Variants in NAALADL2 observed in about 807,000 individuals in gnomAD.
NAALADL2 encodes inactive N-acetylated-alpha-linked acidic dipeptidase-like protein 2.
A neutral mutation model predicts 87.2 loss-of-function variants in NAALADL2; 76 were observed. The ratio of observed to expected loss-of-function variants is 0.87; its 90% confidence interval spans 0.72 to 1.05. The LOEUF is 1.05. NAALADL2 is among the 50% of genes least tolerant of loss of function. The pLI, the probability that NAALADL2 is intolerant of heterozygous loss-of-function variation, is 0.00. For missense variants in NAALADL2, 1,089 were observed against 945.8 expected, an observed-to-expected ratio of 1.15 and a Z score of -1.99; for synonymous variants, 354 against 331.0, an observed-to-expected ratio of 1.07 and a Z score of -0.75.
intron 11 of NAALADL2, among the ~76,000 whole-genome samples, chr3:175,643,830 C>T (rs1290378878): frequency 6.6e-6 from 1 of 152,162 alleles, no homozygotes; most frequent in African/African-American, 2.4e-5. Context: ...CAAGAATCTC[C>T]TGGAATAGTT....
At chr3:174,784,127 T>G (rs1716320691) in intron 3 of NAALADL2, among the ~76,000 whole-genome samples, 1 of 152,226 alleles carries the variant, frequency 6.6e-6, no homozygotes, top group African/African-American at 2.4e-5. Context: ...CTAATCATTT[T>G]CTTGTTCTGC....
At chr3:174,516,703 A>C (rs2108402286) in intron 1 of NAALADL2, among the ~76,000 whole-genome samples, 1 of 152,144 alleles carries the variant, frequency 6.6e-6, no homozygotes, top group East Asian at 1.9e-4. Flanking sequence ...TTTTTATATT[A>C]CTTTTGCTTA....
intron 5 of NAALADL2, among the ~76,000 whole-genome samples, chr3:175,419,397 TA>T (rs898184474): frequency 2.4e-4 from 36 of 151,878 alleles, no homozygotes; most frequent in Non-Finnish European, 4.9e-4. Context: ...AAAAATTATA[TA>T]AAAAATTATT....
intron 1 of NAALADL2, among the ~76,000 whole-genome samples, chr3:175,053,472 T>C (rs1755679158): frequency 6.6e-6 from 1 of 152,184 alleles, no homozygotes; most frequent in Admixed American, 6.5e-5. Context: ...AGCCTCAGCA[T>C]GGCTGCAACC....
At chr3:175,017,735 A>G (rs1449760643) in intron 1 of NAALADL2, among the ~76,000 whole-genome samples, 1 of 152,112 alleles carries the variant, frequency 6.6e-6, no homozygotes, top group African/African-American at 2.4e-5. Context: ...ATATCCAATT[A>G]TCACTAAATA....
chr3:174,844,910 A>G (rs2109440621), intron 3 of NAALADL2, among the ~76,000 whole-genome samples: 1 of 127,362 alleles, frequency 7.9e-6, no homozygotes, highest in Admixed American at 1.0e-4. Flanking sequence ...CAGGGGTATG[A>G]AGCCTCCCTT....
At chr3:175,420,482 G>C (rs1173171883) in intron 5 of NAALADL2, among the ~76,000 whole-genome samples, 1 of 152,004 alleles carries the variant, frequency 6.6e-6, no homozygotes, top group Non-Finnish European at 1.5e-5. Flanking sequence ...TACAGTTTAG[G>C]TCAACATTTA....
At chr3:175,683,138 A>G (rs925327204) in intron 11 of NAALADL2, among the ~76,000 whole-genome samples, 20 of 152,028 alleles carry the variant, frequency 1.3e-4, no homozygotes, top group African/African-American at 4.8e-4. Flanking sequence ...ACCAATGACA[A>G]TGTCTACATA....
chr3:174,879,980 C>A (rs1458771820), intron 1 of NAALADL2, among the ~76,000 whole-genome samples: 4 of 152,050 alleles, frequency 2.6e-5, no homozygotes, highest in Non-Finnish European at 4.4e-5. Context: ...TGCTGTCTTG[C>A]TTTGCCCCTA....
chr3:175,090,435 A>G (rs1719874870), intron 1 of NAALADL2, among the ~76,000 whole-genome samples: 1 of 152,054 alleles, frequency 6.6e-6, no homozygotes, highest in Non-Finnish European at 1.5e-5. Context: ...CCATCCATTT[A>G]GGGTGTGTTA....
At chr3:175,436,246 A>G (rs1483146618) in intron 5 of NAALADL2, among the ~76,000 whole-genome samples, 1 of 143,116 alleles carries the variant, frequency 7.0e-6, no homozygotes, top group Non-Finnish European at 1.5e-5. Context: ...AATCCAGTCT[A>G]TCATTGTTGG....
chr3:174,539,155 C>G (rs1515608), intron 1 of NAALADL2, among the ~76,000 whole-genome samples: 3 of 151,974 alleles, frequency 2.0e-5, no homozygotes, highest in Admixed American at 6.6e-5. Flanking sequence ...TTGAATAAAA[C>G]TAAGACTAAG....
At chr3:175,043,465 C>G (rs749772132) in intron 1 of NAALADL2, among the ~76,000 whole-genome samples, 27 of 152,158 alleles carry the variant, frequency 1.8e-4, no homozygotes, top group Non-Finnish European at 3.5e-4. Flanking sequence ...CCTCGAACTC[C>G]TGACCTTGTG....
At chr3:175,535,704 A>G (rs62287124) in intron 9 of NAALADL2, among the ~76,000 whole-genome samples, 27,059 of 152,112 alleles carry the variant, frequency 0.18, 2,968 homozygotes, top group African/African-American at 0.3. Context: ...ACATATTTAT[A>G]TACTATAGGA....
chr3:175,289,265 G>A (rs1755353233), intron 4 of NAALADL2, among the ~76,000 whole-genome samples: 1 of 152,084 alleles, frequency 6.6e-6, no homozygotes, highest in South Asian at 2.1e-4. Context: ...GTTTACGTGA[G>A]TATGTATTAC....
chr3:175,748,812 G>A (rs992983388), intron 12 of NAALADL2, among the ~76,000 whole-genome samples: 2 of 151,946 alleles, frequency 1.3e-5, no homozygotes, highest in Admixed American at 6.6e-5. Flanking sequence ...CCTTAGAATA[G>A]GAAAATTATA....
At chr3:175,758,742 A>C (rs997422469) in intron 13 of NAALADL2, among the ~76,000 whole-genome samples, 2 of 152,142 alleles carry the variant, frequency 1.3e-5, no homozygotes, top group Non-Finnish European at 2.9e-5. Context: ...AGAGAAAAAT[A>C]AAATTGTTAA....
At chr3:175,175,539 T>C (rs1329460974) in intron 2 of NAALADL2, among the ~76,000 whole-genome samples, 9 of 152,198 alleles carry the variant, frequency 5.9e-5, no homozygotes, top group Non-Finnish European at 1.0e-4. Context: ...TAATTTTATA[T>C]TCTTCACATC....
intron 11 of NAALADL2, among the ~76,000 whole-genome samples, chr3:175,704,485 C>T (rs1157992304): frequency 2.6e-5 from 4 of 152,056 alleles, no homozygotes; most frequent in African/African-American, 7.2e-5. Flanking sequence ...TAGTCTTTTG[C>T]CAGCACAATA....
Sources: gnomAD v4.1 joint callset for allele counts (sites outside exome capture counted in the v4.1 genomes callset) on GRCh38, gnomAD v4.1.1 for gene constraint, MANE v1.5 for transcripts, NCBI Gene and HGNC (gene_info 2026-07-23, HGNC 2026-07-21) for gene names.